The following TFEC variants were observed in gnomAD, a reference collection of about 807,000 sequenced individuals.
TFEC encodes the protein class E basic helix-loop-helix protein 34.
Under a neutral mutation model 41.6 loss-of-function variants are expected in TFEC, and 31 were observed. The ratio of observed to expected loss-of-function variants is 0.74; its 90% confidence interval spans 0.56 to 1.01. The LOEUF is 1.01. TFEC is among the 50% of genes least tolerant of loss of function. The pLI, the probability that TFEC is intolerant of heterozygous loss-of-function variation, is 0.00. For missense variants in TFEC, 402 were observed against 404.1 expected (o/e 0.99, Z 0.04); for synonymous variants, 143 against 140.6 (o/e 1.02, Z -0.12).
At chr7:116,076,746 A>C (rs1452119494) in intron 3 of TFEC, among the ~76,000 whole-genome samples, 1 of 152,146 alleles carries the variant, frequency 6.6e-6, no homozygotes, top group East Asian at 1.9e-4. Flanking sequence ...ATATTTAAAA[A>C]TGAACAAAGC....
At chr7:116,058,503 TAAG>T (rs1395407671) in intron 3 of TFEC, among the ~76,000 whole-genome samples, 2 of 151,726 alleles carry the variant, frequency 1.3e-5, no homozygotes, top group East Asian at 3.9e-4. Flanking sequence ...GAAAAATTGG[TAAG>T]AATATAGAAG....
At chr7:116,088,775 C>T (rs1584500731) in intron 3 of TFEC, among the ~76,000 whole-genome samples, 1 of 151,816 alleles carries the variant, frequency 6.6e-6, no homozygotes, top group East Asian at 1.9e-4. Flanking sequence ...TATATATGTA[C>T]TTAATATTAT....
rs184807367 is a variant in TFEC, at chr7:116,014,270, A to G, written c.-73+16363T>C. Among the ~76,000 whole-genome samples the G allele has an allele frequency of 2.2e-4, 34 of 152,276 alleles. 1 individual carries two copies. In the South Asian group the frequency reaches 6.8e-3, roughly 31 times the overall value. On this transcript the variant is annotated intron_variant, in intron 1 of 7. Transcript: ENST00000265440. ...CTATTTTTTGAGAGATAATTTTAAGAAATGAATAAGTGCATATAAAATGTT... is the reference window on the plus strand; with the variant it reads ...CTATTTTTTGAGAGATAATTTTAAGGAATGAATAAGTGCATATAAAATGTT...
intron 3 of TFEC, among the ~76,000 whole-genome samples, chr7:115,961,514 C>CA (rs1423554898): frequency 6.7e-6 from 1 of 150,244 alleles, no homozygotes; most frequent in Non-Finnish European, 1.5e-5. Flanking sequence ...GGGAAATAAC[C>CA]AAATAAATCC....
chr7:116,154,619 T>C (rs1450852482), intron 1 of TFEC, among the ~76,000 whole-genome samples: 1 of 152,234 alleles, frequency 6.6e-6, no homozygotes, highest in East Asian at 1.9e-4. Flanking sequence ...ATTGCACTTA[T>C]AATAGCATTA....
chr7:116,062,160 A>C (rs913326358), intron 3 of TFEC, among the ~76,000 whole-genome samples: 1 of 143,194 alleles, frequency 7.0e-6, no homozygotes, highest in Non-Finnish European at 1.5e-5. Flanking sequence ...TCCCAGGTTC[A>C]AGTGATTCTT....
chr7:116,143,216 A>G (rs939563261), intron 1 of TFEC, among the ~76,000 whole-genome samples: 10 of 152,212 alleles, frequency 6.6e-5, no homozygotes, highest in Non-Finnish European at 1.3e-4. Context: ...CAATCTACCA[A>G]CAAATATACT....
chr7:116,043,416 TG>T lies in TFEC; in HGVS notation c.199-58904del, dbSNP rs1333937834. Reference sequence around the variant, plus strand: ...GAACTACAAGCAAAGGTCATACAAATGGGAATAAGCTTATGGATGGAAAAAA... The same window carrying T: ...GAACTACAAGCAAAGGTCATACAAATGGAATAAGCTTATGGATGGAAAAAA... On this transcript the variant is annotated intron_variant, in intron 3 of 8. Transcript: ENST00000484212. Among the ~76,000 whole-genome samples, 8 of 152,016 alleles carry T rather than the reference TG, an allele frequency of 5.3e-5. 1 individual carries two copies. The highest frequency in any genetic ancestry group is 1.2e-4 in the Non-Finnish European group (8 of 67,964).
chr7:116,081,922 A>G (rs951234804), intron 3 of TFEC, among the ~76,000 whole-genome samples: 2 of 151,982 alleles, frequency 1.3e-5, no homozygotes, highest in Non-Finnish European at 2.9e-5. Flanking sequence ...ACACTTTTAA[A>G]TGCTACCTCT....
At chr7:116,077,834 C>A (rs552920464) in intron 3 of TFEC, among the ~76,000 whole-genome samples, 1 of 151,958 alleles carries the variant, frequency 6.6e-6, no homozygotes, top group Non-Finnish European at 1.5e-5. Flanking sequence ...TAGTGGGGGA[C>A]TTTAATACTC....
intron 3 of TFEC, among the ~76,000 whole-genome samples, chr7:115,966,282 T>C (rs958592947): frequency 6.6e-6 from 1 of 151,570 alleles, no homozygotes; most frequent in Admixed American, 6.6e-5. Context: ...CTCTCAACAA[T>C]AGACTTCAAA....
chr7:116,138,788 CT>C (rs1201511570), intron 1 of TFEC, among the ~76,000 whole-genome samples: 1 of 152,116 alleles, frequency 6.6e-6, no homozygotes, highest in Non-Finnish European at 1.5e-5. Flanking sequence ...GTTCAGAAAA[CT>C]TTGGTAACAG....
intron 3 of TFEC, among the ~76,000 whole-genome samples, chr7:116,082,782 TACA>T (rs1204028872): frequency 6.6e-6 from 1 of 151,964 alleles, no homozygotes; most frequent in African/African-American, 2.4e-5. Flanking sequence ...GTATAGCACC[TACA>T]ACAAGGCTCT....
At chr7:116,144,552 G>A (rs1047789603) in intron 1 of TFEC, among the ~76,000 whole-genome samples, 6 of 151,948 alleles carry the variant, frequency 3.9e-5, no homozygotes, top group Non-Finnish European at 7.4e-5. Context: ...ATCTCACTAC[G>A]TTGCCCAAGG....
At chr7:115,953,885 T>G (rs1792079006) in intron 5 of TFEC, among the ~76,000 whole-genome samples, 1 of 152,082 alleles carries the variant, frequency 6.6e-6, no homozygotes, top group South Asian at 2.1e-4. Context: ...TTTGCAATAT[T>G]TTATTTATTT....
At chr7:116,036,656 T>C (rs904145162) in intron 3 of TFEC, among the ~76,000 whole-genome samples, 30 of 152,210 alleles carry the variant, frequency 2.0e-4, no homozygotes, top group African/African-American at 7.0e-4. Context: ...TGTCAGGCAG[T>C]AGGTATACAA....
At chr7:116,133,241 T>C (rs1049784626) in intron 1 of TFEC, among the ~76,000 whole-genome samples, 1 of 123,070 alleles carries the variant, frequency 8.1e-6, no homozygotes, top group African/African-American at 3.5e-5. Flanking sequence ...CAAACGAAAA[T>C]AATTCTTTCC....
chr7:116,042,673 G>C (rs1014789729), intron 3 of TFEC, among the ~76,000 whole-genome samples: 8 of 152,090 alleles, frequency 5.3e-5, no homozygotes, highest in African/African-American at 1.9e-4. Flanking sequence ...AATCTTCCAT[G>C]CCTGAATCCA....
At chr7:116,052,061 G>A (rs1313831952) in intron 3 of TFEC, among the ~76,000 whole-genome samples, 1 of 150,720 alleles carries the variant, frequency 6.6e-6, no homozygotes, top group Non-Finnish European at 1.5e-5. Context: ...TAACTTTGAG[G>A]TGCCTACTAG....
Sources: allele counts gnomAD v4.1 joint callset (sites outside exome capture counted in the v4.1 genomes callset), GRCh38; gene constraint gnomAD v4.1.1; transcripts MANE v1.5; gene names NCBI Gene and HGNC (gene_info 2026-07-23, HGNC 2026-07-21).